Variants in SCFD2 observed in about 807,000 individuals in gnomAD.
SCFD2 encodes sec1 family domain containing 2.
Under a neutral mutation model 58.9 loss-of-function variants are expected in SCFD2, and 54 were observed. That is an observed-to-expected ratio of 0.92 (90% CI 0.74 to 1.15). SCFD2 has a LOEUF of 1.15. SCFD2 is among the 50% of genes most tolerant of loss of function. The pLI, the probability that SCFD2 is intolerant of heterozygous loss-of-function variation, is 0.00. For missense variants in SCFD2, 805 were observed against 836.6 expected (o/e 0.96, Z 0.47); for synonymous variants, 321 against 335.9 (o/e 0.96, Z 0.49).
At chr4:53,179,212 G>A (rs567752516) in intron 4 of SCFD2, among the ~76,000 whole-genome samples, 1 of 152,236 alleles carries the variant, frequency 6.6e-6, no homozygotes, top group South Asian at 2.1e-4. Context: ...ATTCACCAAA[G>A]TTGAAATGAA....
At chr4:53,012,159 C>T (rs1722107663) in intron 5 of SCFD2, among the ~76,000 whole-genome samples, 1 of 151,946 alleles carries the variant, frequency 6.6e-6, no homozygotes, top group Non-Finnish European at 1.5e-5. Context: ...TTTTCAGGTT[C>T]AAGTATGCAC....
chr4:53,312,878 T>C (rs902641141), intron 3 of SCFD2, among the ~76,000 whole-genome samples: 3 of 152,220 alleles, frequency 2.0e-5, no homozygotes, highest in South Asian at 2.1e-4. Flanking sequence ...ATTCTACCTA[T>C]TAACCAGATT....
At chr4:53,201,312 G>A (rs1256174529) in intron 4 of SCFD2, among the ~76,000 whole-genome samples, 1 of 151,974 alleles carries the variant, frequency 6.6e-6, no homozygotes, top group Non-Finnish European at 1.5e-5. Flanking sequence ...GCTGAGAATG[G>A]TGGTTTCCAG....
At chr4:53,177,929 C>T (rs1560371077) in intron 4 of SCFD2, among the ~76,000 whole-genome samples, 1 of 152,194 alleles carries the variant, frequency 6.6e-6, no homozygotes, top group Non-Finnish European at 1.5e-5. Context: ...TGAGATCAAA[C>T]TGCAAGGTGG....
chr4:53,354,136 A>G (rs1165631181), intron 1 of SCFD2, among the ~76,000 whole-genome samples: 1 of 152,236 alleles, frequency 6.6e-6, no homozygotes, highest in South Asian at 2.1e-4. Context: ...AGCAGGGGAC[A>G]GTGCCCGTTG....
intron 4 of SCFD2, among the ~76,000 whole-genome samples, chr4:53,251,730 A>T (rs1212893221): frequency 6.6e-6 from 1 of 152,070 alleles, no homozygotes; most frequent in Admixed American, 6.6e-5. Context: ...GATGGGACGT[A>T]TCTCAAAATA....
At chr4:53,355,522 T>C (rs1734375490) in intron 1 of SCFD2, among the ~76,000 whole-genome samples, 1 of 152,200 alleles carries the variant, frequency 6.6e-6, no homozygotes, top group African/African-American at 2.4e-5. Context: ...ATCTCTTTAG[T>C]AACAGTAGCT....
At chr4:52,911,951 C>T (rs1436182514) in intron 6 of SCFD2, among the ~76,000 whole-genome samples, 1 of 152,168 alleles carries the variant, frequency 6.6e-6, no homozygotes, top group Non-Finnish European at 1.5e-5. Flanking sequence ...TTTGCAATTC[C>T]TGCCACCATC....
At chr4:53,344,721 A>G (rs1471242173) in intron 2 of SCFD2, among the ~76,000 whole-genome samples, 1 of 152,236 alleles carries the variant, frequency 6.6e-6, no homozygotes, top group Non-Finnish European at 1.5e-5. Flanking sequence ...TAGAGTAACC[A>G]AAACAGCATG....
intron 4 of SCFD2, among the ~76,000 whole-genome samples, chr4:53,267,170 G>A (rs562353776): frequency 4.6e-5 from 7 of 152,012 alleles, no homozygotes; most frequent in Non-Finnish European, 1.0e-4. Context: ...CGGTGATTGA[G>A]GCCTGGTAGA....
At chr4:53,202,532 C>A (rs1188659715) in intron 4 of SCFD2, among the ~76,000 whole-genome samples, 1 of 151,802 alleles carries the variant, frequency 6.6e-6, no homozygotes, top group East Asian at 1.9e-4. Context: ...TCCATATGAA[C>A]TTTAAAGTAG....
At chr4:52,974,446 A>G (rs1721196734) in intron 5 of SCFD2, among the ~76,000 whole-genome samples, 2 of 152,150 alleles carry the variant, frequency 1.3e-5, no homozygotes, top group Non-Finnish European at 2.9e-5. Context: ...TAAAATACCT[A>G]GAATCCAACT....
chr4:53,354,372 T>A (rs377411021), intron 1 of SCFD2, among the ~76,000 whole-genome samples: 8 of 152,240 alleles, frequency 5.3e-5, no homozygotes, highest in African/African-American at 1.9e-4. Context: ...ACTCCAAGTG[T>A]GGGGCGCGCC....
intron 3 of SCFD2, among the ~76,000 whole-genome samples, chr4:53,278,446 G>T (rs2149074205): frequency 6.6e-6 from 1 of 151,894 alleles, no homozygotes; most frequent in Admixed American, 6.6e-5. Context: ...GGCAGCTGAG[G>T]CAGGAGAATC....
chr4:53,233,157 A>C (rs1195126720), intron 4 of SCFD2, among the ~76,000 whole-genome samples: 1 of 152,208 alleles, frequency 6.6e-6, no homozygotes, highest in Non-Finnish European at 1.5e-5. Context: ...CTAATGCTAA[A>C]AAGAAAAAAA....
At chr4:53,223,046 A>G (rs1188809743) in intron 4 of SCFD2, among the ~76,000 whole-genome samples, 2 of 152,326 alleles carry the variant, frequency 1.3e-5, no homozygotes. Context: ...GAATGGAGCT[A>G]ATAAGCTCAA....
At chr4:52,920,657 T>C in intron 6 of SCFD2, 68 bp downstream of exon 6, 1 of 1,178,612 alleles carries the variant, frequency 8.5e-7, no homozygotes, top group Non-Finnish European at 1.2e-6. Context: ...GGGAACCTTT[T>C]CTTCTATAGA....
chr4:52,960,345 G>A (rs930634917), intron 5 of SCFD2, among the ~76,000 whole-genome samples: 6 of 150,538 alleles, frequency 4.0e-5, no homozygotes, highest in South Asian at 2.1e-4. Context: ...TGATGTTTCC[G>A]CAGAGAGGCA....
intron 4 of SCFD2, among the ~76,000 whole-genome samples, chr4:53,209,368 C>G (rs1405447489): frequency 2.0e-5 from 3 of 152,028 alleles, no homozygotes; most frequent in African/African-American, 7.3e-5. Flanking sequence ...CTCAATGTAT[C>G]CTTAGGGAAC....
Sources: gnomAD v4.1 joint callset for allele counts (sites outside exome capture counted in the v4.1 genomes callset) on GRCh38, gnomAD v4.1.1 for gene constraint, MANE v1.5 for transcripts, NCBI Gene and HGNC (gene_info 2026-07-23, HGNC 2026-07-21) for gene names.